The following MAF variants were observed in gnomAD, a reference collection of about 807,000 sequenced individuals.
MAF encodes transcription factor Maf.
Under a neutral mutation model 22.0 loss-of-function variants are expected in MAF, and 10 were observed. That is an observed-to-expected ratio of 0.45 (90% CI 0.28 to 0.77). The LOEUF is 0.77. Among genes scored for constraint, MAF ranks in the 30% least tolerant of loss-of-function variants. The pLI is 0.12. For synonymous variants in MAF, 337 were observed against 255.8 expected, an observed-to-expected ratio of 1.32 and a Z score of -3.03; for missense variants, 544 against 548.4, an observed-to-expected ratio of 0.99 and a Z score of 0.08.
At chr16:79,211,251 G>C in the MAF span, among the ~76,000 whole-genome samples, 3 of 152,124 alleles carry the variant, frequency 2.0e-5, no homozygotes, top group Non-Finnish European at 2.9e-5. Context: ...GAGAAGTTGA[G>C]GGGTTGGATG....
chr16:79,529,451 T>A, the MAF span, among the ~76,000 whole-genome samples: 1 of 152,190 alleles, frequency 6.6e-6, no homozygotes, highest in African/African-American at 2.4e-5. Context: ...GAAATCTACA[T>A]ACTATTTTAG....
the MAF span, chr16:79,203,964 C>T: frequency 3.3e-5 from 5 of 152,152 alleles, no homozygotes; most frequent in Non-Finnish European, 7.4e-5. Context: ...ATCTTATAAA[C>T]ACCCAGCAGT....
the MAF span, among the ~76,000 whole-genome samples, chr16:79,464,931 G>T: frequency 2.8e-3 from 424 of 152,304 alleles, 2 homozygotes; most frequent in African/African-American, 1.0e-2. Context: ...AGATGATACA[G>T]AAATGACCTC....
At chr16:79,580,950 C>A (rs1050116923), downstream of MAF, among the ~76,000 whole-genome samples, 2 of 152,052 alleles carry the variant, frequency 1.3e-5, no homozygotes, top group African/African-American at 4.8e-5. Flanking sequence ...AATGAGAAAG[C>A]AGTTCTTAGT....
the MAF span, among the ~76,000 whole-genome samples, chr16:79,348,096 G>T: frequency 6.6e-6 from 1 of 152,290 alleles, no homozygotes; most frequent in Non-Finnish European, 1.5e-5. Flanking sequence ...TTGGAAAATC[G>T]TACGGAAATA....
chr16:79,559,389 T>C, the MAF span, among the ~76,000 whole-genome samples: 3 of 152,196 alleles, frequency 2.0e-5, no homozygotes, highest in Non-Finnish European at 2.9e-5. Context: ...TCTAAAGGCA[T>C]GACAACTGGT....
At chr16:79,507,552 G>T in the MAF span, among the ~76,000 whole-genome samples, 8 of 151,948 alleles carry the variant, frequency 5.3e-5, no homozygotes, top group African/African-American at 1.9e-4. Context: ...AGCCTCCTGA[G>T]TAGCTGGGAC....
chr16:79,300,585 C>T, the MAF span, among the ~76,000 whole-genome samples: 1 of 149,924 alleles, frequency 6.7e-6, no homozygotes, highest in Admixed American at 6.6e-5. Flanking sequence ...AAACAAACAA[C>T]ACCCTTATCT....
At chr16:79,308,987 C>T in the MAF span, among the ~76,000 whole-genome samples, 2 of 152,144 alleles carry the variant, frequency 1.3e-5, no homozygotes, top group Admixed American at 6.5e-5. Flanking sequence ...ATGGATGTAA[C>T]ATAATGTGAA....
the MAF span, among the ~76,000 whole-genome samples, chr16:79,317,373 CT>C: frequency 7.0e-6 from 1 of 143,612 alleles, no homozygotes; most frequent in Admixed American, 7.1e-5. Flanking sequence ...CCTTTTCTCC[CT>C]TCTTCCTTCC....
chr16:79,331,696 G>C, the MAF span, among the ~76,000 whole-genome samples: 1 of 152,164 alleles, frequency 6.6e-6, no homozygotes, highest in African/African-American at 2.4e-5. Context: ...CTCTTGGAGA[G>C]TAAGATCTAG....
the MAF span, among the ~76,000 whole-genome samples, chr16:79,329,884 A>G: frequency 6.6e-6 from 1 of 152,288 alleles, no homozygotes; most frequent in Non-Finnish European, 1.5e-5. Flanking sequence ...CTACATGGAA[A>G]TGTTGGTTAT....
the MAF span, among the ~76,000 whole-genome samples, chr16:79,519,072 C>T: frequency 6.6e-6 from 1 of 152,112 alleles, no homozygotes; most frequent in Non-Finnish European, 1.5e-5. Context: ...TTACTAATGC[C>T]TTGCAATTAT....
the MAF span, among the ~76,000 whole-genome samples, chr16:79,552,987 A>G: frequency 6.6e-6 from 1 of 152,254 alleles, no homozygotes; most frequent in South Asian, 2.1e-4. Context: ...TAAAATTGAA[A>G]AAACATGGAA....
At chr16:79,358,270 G>A in the MAF span, among the ~76,000 whole-genome samples, 267 of 152,286 alleles carry the variant, frequency 1.8e-3, 2 homozygotes, top group African/African-American at 6.0e-3. Flanking sequence ...GGTCCTGGTC[G>A]AGAGTTCCTC....
chr16:79,412,562 G>A, the MAF span, among the ~76,000 whole-genome samples: 60 of 152,330 alleles, frequency 3.9e-4, no homozygotes, highest in African/African-American at 1.4e-3. Context: ...TATTGAATAG[G>A]ATTCTTGGCC....
At chr16:79,310,405 G>C in the MAF span, among the ~76,000 whole-genome samples, 1 of 152,148 alleles carries the variant, frequency 6.6e-6, no homozygotes. Flanking sequence ...GACAGACAGA[G>C]AGAGAGAATC....
the MAF span, among the ~76,000 whole-genome samples, chr16:79,252,928 C>T: frequency 6.2e-4 from 95 of 152,280 alleles, 1 homozygote; most frequent in East Asian, 5.0e-3. Context: ...ATGGGAACTC[C>T]GTACTTTCCT....
chr16:79,218,819 G>A, the MAF span, among the ~76,000 whole-genome samples: 76 of 152,272 alleles, frequency 5.0e-4, no homozygotes, highest in African/African-American at 1.8e-3. Flanking sequence ...ACTGTTACTA[G>A]ATTATTGCAC....
Sources: allele counts gnomAD v4.1 joint callset (sites outside exome capture counted in the v4.1 genomes callset), GRCh38; gene constraint gnomAD v4.1.1; transcripts MANE v1.5; gene names NCBI Gene and HGNC (gene_info 2026-07-23, HGNC 2026-07-21).